Variants in ZEB1 observed in about 807,000 individuals in gnomAD.
The protein encoded by ZEB1 is zinc finger E-box binding homeobox 1, also known as zinc finger E-box-binding homeobox 1.
ZEB1 carries 21 observed loss-of-function variants against 84.9 expected under a neutral mutation model. That is an observed-to-expected ratio of 0.25 (90% CI 0.18 to 0.36). ZEB1 has a LOEUF of 0.36. Ranked by LOEUF, ZEB1 falls within the 10% of genes least tolerant of loss-of-function variation. ZEB1 has a pLI of 1.00. For missense variants in ZEB1, 1,104 were observed against 1,330.2 expected, an observed-to-expected ratio of 0.83 and a Z score of 2.65; for synonymous variants, 420 against 471.1, an observed-to-expected ratio of 0.89 and a Z score of 1.41.
In ZEB1 at chr10:31,527,632, T is replaced by C. The variant is rs557506004; in HGVS notation, c.*368T>C. ...ATGCATCTGGCATTGTTTTATCTTA[T>C]CAGTATTATCACTCTTATGTTGGTT... On this transcript the variant is annotated 3_prime_UTR_variant, in exon 9 of 9. Coordinates refer to ENST00000424869, the MANE Select transcript of ZEB1 (RefSeq NM_001174096.2). 1 of 230,686 alleles carries C rather than the reference T, an allele frequency of 4.3e-6. No individual in the cohort carries two copies. Among genetic ancestry groups the C allele is most frequent in the African/African-American group, 2.3e-5 (1 of 43,930 alleles). The allele number at this position is 230,686 out of a possible 1,614,324, so 14.3% of individuals were successfully genotyped here. A position where few individuals can be genotyped will look rare whatever the true frequency, so the allele number is the denominator to read the frequency against.
intron 1 of ZEB1, among the ~76,000 whole-genome samples, chr10:31,446,267 C>T (rs1182442260): frequency 6.6e-6 from 1 of 152,070 alleles, no homozygotes; most frequent in Non-Finnish European, 1.5e-5. Flanking sequence ...GTGATATCCC[C>T]TTTATCATTT....
chr10:31,402,127 G>A (rs1398332492), intron 1 of ZEB1, among the ~76,000 whole-genome samples: 1 of 151,984 alleles, frequency 6.6e-6, no homozygotes, highest in Non-Finnish European at 1.5e-5. Flanking sequence ...TGTTGTTGTT[G>A]TTGTTGTTGT....
At chr10:31,434,918 A>G (rs1317420330) in intron 1 of ZEB1, among the ~76,000 whole-genome samples, 1 of 152,164 alleles carries the variant, frequency 6.6e-6, no homozygotes, top group Non-Finnish European at 1.5e-5. Flanking sequence ...GAACAAAATG[A>G]TGTCCTTGCC....
At chr10:31,422,261 T>A (rs1198860327) in intron 1 of ZEB1, among the ~76,000 whole-genome samples, 1 of 152,160 alleles carries the variant, frequency 6.6e-6, no homozygotes, top group East Asian at 1.9e-4. Context: ...AGGATCTTAA[T>A]TATAGTTCTT....
At chr10:31,461,340 TA>T in intron 2 of ZEB1, 103 bp downstream of exon 2, 1 of 1,245,610 alleles carries the variant, frequency 8.0e-7, no homozygotes, top group Non-Finnish European at 1.1e-6. Flanking sequence ...AAATCAATAG[TA>T]AATTTGGCTA....
At chr10:31,497,467 T>C (rs993564518) in intron 3 of ZEB1, among the ~76,000 whole-genome samples, 1 of 152,102 alleles carries the variant, frequency 6.6e-6, no homozygotes, top group Non-Finnish European at 1.5e-5. Context: ...ACGTACACAA[T>C]GATGATCCCT....
intron 1 of ZEB1, among the ~76,000 whole-genome samples, chr10:31,341,592 C>T (rs2039380386): frequency 6.6e-6 from 1 of 151,892 alleles, no homozygotes; most frequent in Non-Finnish European, 1.5e-5. Context: ...AGATGGGGGT[C>T]CTGGGCTGGA....
chr10:31,324,573 A>G (rs933439353), intron 1 of ZEB1, among the ~76,000 whole-genome samples: 5 of 152,064 alleles, frequency 3.3e-5, no homozygotes, highest in Admixed American at 6.5e-5. Flanking sequence ...TTAGTGTGCA[A>G]GAGTACAGCG....
intron 2 of ZEB1, among the ~76,000 whole-genome samples, chr10:31,466,941 A>C (rs1425577265): frequency 6.6e-6 from 1 of 152,196 alleles, no homozygotes; most frequent in Non-Finnish European, 1.5e-5. Flanking sequence ...AACTAGCTGG[A>C]TCTGGGATGC....
intron 1 of ZEB1, among the ~76,000 whole-genome samples, chr10:31,371,640 G>A (rs2045731667): frequency 1.3e-5 from 2 of 151,982 alleles, no homozygotes; most frequent in Non-Finnish European, 1.5e-5. Flanking sequence ...GTGTCTTTAT[G>A]TACCACTCAC....
intron 1 of ZEB1, 80 bp from the exon 2 acceptor site, chr10:31,460,957 T>C: frequency 8.9e-7 from 1 of 1,121,864 alleles, no homozygotes; most frequent in Non-Finnish European, 1.3e-6. Flanking sequence ...GTTTTAAGCA[T>C]CTTTTTTATT....
chr10:31,444,373 C>G (rs994478571), intron 1 of ZEB1, among the ~76,000 whole-genome samples: 3 of 150,968 alleles, frequency 2.0e-5, no homozygotes, highest in Non-Finnish European at 4.4e-5. Flanking sequence ...TGCCTGTTCA[C>G]TCTGATGGTA....
At chr10:31,388,322 G>A (rs2049009074) in intron 1 of ZEB1, among the ~76,000 whole-genome samples, 1 of 152,068 alleles carries the variant, frequency 6.6e-6, no homozygotes. Context: ...AGCTCTTAAA[G>A]TGATCCTGAA....
At chr10:31,410,614 G>T (rs2054058326) in intron 1 of ZEB1, among the ~76,000 whole-genome samples, 1 of 152,174 alleles carries the variant, frequency 6.6e-6, no homozygotes, top group African/African-American at 2.4e-5. Flanking sequence ...GTAGAATTCA[G>T]CTGTGAATCC....
At chr10:31,323,937 T>G (rs2034803945) in intron 1 of ZEB1, among the ~76,000 whole-genome samples, 2 of 151,390 alleles carry the variant, frequency 1.3e-5, no homozygotes, top group Admixed American at 1.3e-4. Context: ...CTGTGTTAAT[T>G]TCTTATTTTA....
intron 2 of ZEB1, among the ~76,000 whole-genome samples, chr10:31,492,647 T>C (rs1014166954): frequency 6.6e-6 from 1 of 151,910 alleles, no homozygotes; most frequent in African/African-American, 2.4e-5. Flanking sequence ...TGCAGTAAGA[T>C]ATTCCCATGA....
Position 31,495,787 on chromosome 10 carries a change from G to A in ZEB1, c.271G>A (p.Gly91Arg), listed in dbSNP as rs12217419. 745 of 1,612,884 alleles carry A rather than the reference G, an allele frequency of 4.6e-4. 5 individuals are homozygous for A. In the East Asian group the frequency reaches 0.014, roughly 30 times the overall value. ...TTCTTTGATTTCAGCAGGAAAGGAAGGGCAAGAAATCCTGGGGCCTGAAGC... is the reference window on the plus strand; with the variant it reads ...TTCTTTGATTTCAGCAGGAAAGGAAAGGCAAGAAATCCTGGGGCCTGAAGC... ...NCWEDDTGKE[G>R]QEILGPEAQA... The change falls in exon 3 of 9, where the codon GGG (glycine) becomes AGG (arginine). Residue 91 changes from glycine to arginine, a missense_variant. By Grantham distance (125) the Gly-to-Arg change is moderately radical (BLOSUM62 -2). Transcript: ENST00000424869.
intron 1 of ZEB1, among the ~76,000 whole-genome samples, chr10:31,453,548 CT>C (rs1468108691): frequency 6.6e-6 from 1 of 152,142 alleles, no homozygotes; most frequent in African/African-American, 2.4e-5. Flanking sequence ...TTACATGAGA[CT>C]TTAATTACTA....
chr10:31,325,960 GT>G (rs1338627407), intron 1 of ZEB1, among the ~76,000 whole-genome samples: 4 of 125,508 alleles, frequency 3.2e-5, no homozygotes, highest in Non-Finnish European at 6.4e-5. Flanking sequence ...AGAGTGTTTG[GT>G]TTTGGGTTTT....
Sources: allele counts gnomAD v4.1 joint callset (sites outside exome capture counted in the v4.1 genomes callset), GRCh38; gene constraint gnomAD v4.1.1; transcripts MANE v1.5; gene names NCBI Gene and HGNC (gene_info 2026-07-23, HGNC 2026-07-21).